LRMDA: variants seen among roughly 807,000 people sequenced by gnomAD.
LRMDA encodes leucine-rich melanocyte differentiation-associated protein.
In LRMDA, 18 loss-of-function variants were observed where a neutral mutation model predicts 29.8. The observed-to-expected ratio is 0.60, with a 90% CI of 0.42 to 0.90. LRMDA has a LOEUF of 0.90. Ranked by LOEUF, LRMDA falls within the 40% of genes least tolerant of loss-of-function variation. The pLI, the probability that LRMDA is intolerant of heterozygous loss-of-function variation, is 0.00. For missense variants in LRMDA, 273 were observed against 273.9 expected (o/e 1.00, Z 0.02); for synonymous variants, 125 against 109.4 (o/e 1.14, Z -0.89).
intron 5 of LRMDA, among the ~76,000 whole-genome samples, chr10:76,261,096 G>A (rs1039030944): frequency 2.7e-4 from 34 of 125,848 alleles, no homozygotes; most frequent in East Asian, 6.8e-4. Context: ...ACGGAGTCTC[G>A]CTCTGTTGCC....
intron 2 of LRMDA, among the ~76,000 whole-genome samples, chr10:75,537,981 G>T (rs1273624613): frequency 6.6e-6 from 1 of 152,124 alleles, no homozygotes; most frequent in Non-Finnish European, 1.5e-5. Context: ...CTCTACTGAG[G>T]TATGCTCTTC....
intron 6 of LRMDA, among the ~76,000 whole-genome samples, chr10:76,411,417 A>T (rs117951710): frequency 1.3e-5 from 2 of 152,206 alleles, no homozygotes; most frequent in Non-Finnish European, 2.9e-5. Context: ...TAAAAATCCA[A>T]CATAATTAGG....
intron 2 of LRMDA, among the ~76,000 whole-genome samples, chr10:75,640,835 C>T (rs1841443670): frequency 6.6e-6 from 1 of 152,086 alleles, no homozygotes; most frequent in African/African-American, 2.4e-5. Flanking sequence ...ATTTTTTTCC[C>T]CCATGCCAGT....
intron 6 of LRMDA, among the ~76,000 whole-genome samples, chr10:76,350,591 C>T (rs984264818): frequency 6.6e-6 from 1 of 151,920 alleles, no homozygotes; most frequent in African/African-American, 2.4e-5. Context: ...AAGGAGCTAA[C>T]GTTGCTGGTG....
At chr10:75,594,253 G>A (rs1479623015) in intron 2 of LRMDA, among the ~76,000 whole-genome samples, 1 of 152,172 alleles carries the variant, frequency 6.6e-6, no homozygotes, top group African/African-American at 2.4e-5. Flanking sequence ...GCTGCTCAGA[G>A]GCCTAGCATT....
chr10:75,635,358 C>A (rs1841378106), intron 2 of LRMDA, among the ~76,000 whole-genome samples: 1 of 152,052 alleles, frequency 6.6e-6, no homozygotes, highest in South Asian at 2.1e-4. Flanking sequence ...TGGCCTTTCG[C>A]ATGGTATGAT....
chr10:76,370,039 A>G (rs149615447), intron 6 of LRMDA, among the ~76,000 whole-genome samples: 1 of 152,292 alleles, frequency 6.6e-6, no homozygotes, highest in Non-Finnish European at 1.5e-5. Context: ...AGGAGCAATA[A>G]TGAGGTCCCA....
chr10:76,409,562 C>G (rs75740728), intron 6 of LRMDA, among the ~76,000 whole-genome samples: 1,872 of 152,138 alleles, frequency 0.012, 27 homozygotes, highest in African/African-American at 0.043. Context: ...TACTTCTAGC[C>G]TTTTTTTAGT....
intron 5 of LRMDA, among the ~76,000 whole-genome samples, chr10:76,275,286 T>C (rs1309903226): frequency 1.3e-5 from 2 of 152,070 alleles, no homozygotes; most frequent in Non-Finnish European, 2.9e-5. Context: ...TCTGGTTGTC[T>C]AGAGATTTTT....
At chr10:75,856,783 G>T (rs1208481550) in intron 2 of LRMDA, among the ~76,000 whole-genome samples, 2 of 152,202 alleles carry the variant, frequency 1.3e-5, no homozygotes, top group African/African-American at 4.8e-5. Flanking sequence ...AGACAGGGAT[G>T]CCCTCTCTCA....
rs1303938250 is a variant in LRMDA at position 76,227,773 on chromosome 10, C to T, written c.517-96628C>T. Among the ~76,000 whole-genome samples, 4 of 151,998 alleles carry T rather than the reference C, an allele frequency of 2.6e-5. No individual in the cohort carries two copies. The East Asian group carries it at 7.7e-4, about 29-fold the overall frequency. On this transcript the variant is annotated intron_variant, in intron 5 of 6. Transcript: ENST00000611255. ...AGACAGGTTGGTTTTAATATCGCAT[C>T]AGTATGTACAGTATTTTTTATTAAA...
intron 2 of LRMDA, among the ~76,000 whole-genome samples, chr10:75,968,497 A>G (rs1195806578): frequency 6.6e-6 from 1 of 152,228 alleles, no homozygotes; most frequent in Non-Finnish European, 1.5e-5. Context: ...AAGGCTGCAC[A>G]TTCTAGAATG....
At chr10:75,979,782 C>G (rs1351531872) in intron 2 of LRMDA, among the ~76,000 whole-genome samples, 2 of 152,068 alleles carry the variant, frequency 1.3e-5, no homozygotes, top group Middle Eastern at 3.2e-3. Flanking sequence ...AGCTGTTTCC[C>G]AGGTCCCTTC....
chr10:75,539,632 A>G (rs11001415), intron 2 of LRMDA, among the ~76,000 whole-genome samples: 2,249 of 152,308 alleles, frequency 0.015, 60 homozygotes, highest in African/African-American at 0.051. Context: ...ATAACTTCTC[A>G]CATGGTTTTC....
intron 6 of LRMDA, among the ~76,000 whole-genome samples, chr10:76,457,701 C>T (rs1324032891): frequency 6.6e-6 from 1 of 152,118 alleles, no homozygotes; most frequent in Non-Finnish European, 1.5e-5. Context: ...AACAAAATAT[C>T]TTAAATAAGT....
Position 76,341,394 on chromosome 10 carries a change from G to T in LRMDA, c.601+16909G>T, listed in dbSNP as rs534846305. ...ACAGATTAAGTGGGGAAAAAATAAGGATATGAAAGACAAAAATAGCAAAAT... is the reference window on the plus strand; with the variant it reads ...ACAGATTAAGTGGGGAAAAAATAAGTATATGAAAGACAAAAATAGCAAAAT... On this transcript the variant is annotated intron_variant, in intron 6 of 6. Transcript: ENST00000611255. Among the ~76,000 whole-genome samples the T allele has an allele frequency of 3.9e-3, 594 of 152,136 alleles. 4 individuals carry two copies. The highest frequency in any genetic ancestry group is 6.6e-3 in the Non-Finnish European group (446 of 67,986).
At chr10:75,574,299 G>A (rs1382656297) in intron 2 of LRMDA, among the ~76,000 whole-genome samples, 1 of 152,110 alleles carries the variant, frequency 6.6e-6, no homozygotes, top group Non-Finnish European at 1.5e-5. Flanking sequence ...GCTCTTCTAT[G>A]TACTAAGATT....
chr10:76,325,094 C>T (rs1840818113), intron 6 of LRMDA, among the ~76,000 whole-genome samples: 1 of 152,150 alleles, frequency 6.6e-6, no homozygotes, highest in African/African-American at 2.4e-5. Flanking sequence ...TGTCTTATCC[C>T]TAAGTTGGCT....
chr10:75,907,184 G>A (rs1390234251), intron 2 of LRMDA, among the ~76,000 whole-genome samples: 1 of 151,996 alleles, frequency 6.6e-6, no homozygotes, highest in African/African-American at 2.4e-5. Flanking sequence ...TGCACATATT[G>A]GGAAATTAAC....
Sources: allele counts gnomAD v4.1 joint callset (sites outside exome capture counted in the v4.1 genomes callset), GRCh38; gene constraint gnomAD v4.1.1; transcripts MANE v1.5; gene names NCBI Gene and HGNC (gene_info 2026-07-23, HGNC 2026-07-21).